Variants in GABRB2 observed in about 807,000 individuals in gnomAD.
GABRB2 encodes gamma-aminobutyric acid receptor subunit beta-2.
GABRB2 carries 16 observed loss-of-function variants against 54.7 expected under a neutral mutation model. The ratio of observed to expected loss-of-function variants is 0.29; its 90% CI spans 0.20 to 0.44. GABRB2 has a LOEUF of 0.44. GABRB2 is among the 20% of genes least tolerant of loss of function. GABRB2 has a pLI of 1.00. For missense variants in GABRB2, 355 were observed against 644.0 expected, an observed-to-expected ratio of 0.55 and a Z score of 4.86; for synonymous variants, 244 against 233.8, an observed-to-expected ratio of 1.04 and a Z score of -0.40.
chr5:161,360,275 T>C (rs1270716539), intron 5 of GABRB2, among the ~76,000 whole-genome samples: 2 of 151,584 alleles, frequency 1.3e-5, no homozygotes, highest in Admixed American at 1.3e-4. Context: ...ATAGGAAGAG[T>C]ACAGGATGAG....
In GABRB2 at chr5:161,322,906, T is replaced by C. The variant is rs998926908; in HGVS notation, c.1191+3462A>G. Reference sequence around the variant, plus strand: ...TTTATTTTTGATTTTTGGTTTCACATATTCTTTCAATTTTGGTGAGAAAAT... The same window carrying C: ...TTTATTTTTGATTTTTGGTTTCACACATTCTTTCAATTTTGGTGAGAAAAT... On this transcript the variant is annotated intron_variant, in intron 9 of 9. Transcript: ENST00000393959. Among the ~76,000 whole-genome samples, 12 of 152,180 alleles carry C rather than the reference T, an allele frequency of 7.9e-5. 1 individual carries two copies. Among genetic ancestry groups the C allele is most frequent in the Admixed American group, 3.9e-4 (6 of 15,286 alleles).
At chr5:161,546,442 A>G (rs1372577822) in intron 1 of GABRB2, 29 bp from the exon 2 acceptor site, 1 of 1,600,716 alleles carries the variant, frequency 6.2e-7, no homozygotes, top group East Asian at 2.2e-5. Flanking sequence ...ATAAGCAGGC[A>G]TCAATAAGGA....
chr5:161,510,241 C>T (rs1759725155), intron 3 of GABRB2, among the ~76,000 whole-genome samples: 1 of 151,506 alleles, frequency 6.6e-6, no homozygotes, highest in Non-Finnish European at 1.5e-5. Flanking sequence ...ATTTTCCTCC[C>T]CCAGCTCCCC....
chr5:161,302,481 AC>A (rs1757567107), intron 9 of GABRB2, among the ~76,000 whole-genome samples: 1 of 152,152 alleles, frequency 6.6e-6, no homozygotes, highest in South Asian at 2.1e-4. Context: ...CAGAAAAACA[AC>A]TCAAATCCCT....
intron 5 of GABRB2, among the ~76,000 whole-genome samples, chr5:161,353,747 T>C (rs1754538648): frequency 6.6e-6 from 1 of 152,056 alleles, no homozygotes; most frequent in Non-Finnish European, 1.5e-5. Context: ...CAACTGTTTT[T>C]ATTAGTAGTT....
At position 161,349,414 on chromosome 5, in the gene GABRB2, T is replaced by C. The variant is rs183328118; in HGVS notation, c.542-12645A>G. On this transcript the variant is annotated intron_variant, in intron 5 of 9. Transcript: ENST00000393959. The stretch of plus-strand genomic sequence containing the variant: ...AGTATTTATAGTTCTTGTATTCAAG[T>C]TGAATATGGAATTAGTATGCTGTGG... 4.6e-5 allele frequency among the ~76,000 whole-genome samples: 7 copies of C among 152,260 alleles called. No homozygotes were observed. In the East Asian group the frequency reaches 1.4e-3, roughly 29 times the overall value.
intron 5 of GABRB2, among the ~76,000 whole-genome samples, chr5:161,345,987 C>T (rs1754309974): frequency 6.6e-6 from 1 of 152,072 alleles, no homozygotes; most frequent in African/African-American, 2.4e-5. Context: ...ATGTCATTCG[C>T]AGAATTGCAA....
intron 5 of GABRB2, among the ~76,000 whole-genome samples, chr5:161,375,833 T>C (rs1755278358): frequency 6.6e-6 from 1 of 152,124 alleles, no homozygotes; most frequent in South Asian, 2.1e-4. Flanking sequence ...ATGAAGAAGA[T>C]GATGATTATT....
rs1037134974 is a variant in GABRB2 at position 161,304,996 on chromosome 5, T to C, written c.1192-10568A>G. Among the ~76,000 whole-genome samples, 8 of 147,118 alleles carry C rather than the reference T, an allele frequency of 5.4e-5. No homozygotes were observed. In the East Asian group the frequency reaches 1.2e-3, roughly 22 times the overall value. ...GGGGAAGAAAACTATATTTATGATA[T>C]ATCAATTTTTTTTTTTTTTTTTTTT... is the stretch of plus-strand genomic sequence containing the variant. On this transcript the variant is annotated intron_variant, in intron 9 of 9. Transcript: ENST00000393959.
chr5:161,545,308 CG>C lies in GABRB2; in HGVS notation c.170-15del. The C allele has an allele frequency of 6.3e-7, 1 of 1,583,896 alleles. No homozygotes were observed. Among genetic ancestry groups the C allele is most frequent in the Non-Finnish European group, 8.6e-7 (1 of 1,167,012 alleles). Reference sequence around the variant, plus strand: ...CCACGGGGGGACCTGCAAAGCAAGACGGCCAGCCACGTGATTTCTTTGAACT... The same window carrying C: ...CCACGGGGGGACCTGCAAAGCAAGACGCCAGCCACGTGATTTCTTTGAACT... On this transcript the variant is annotated splice_polypyrimidine_tract_variant and intron_variant, in intron 2 of 9. Transcript: ENST00000393959.
chr5:161,326,348 T>A lies in GABRB2; in HGVS notation c.1191+20A>T. The A allele has an allele frequency of 1.2e-6, 2 of 1,608,838 alleles. No individual in the cohort carries two copies. Among genetic ancestry groups the A allele is most frequent in the Middle Eastern group, 1.7e-4 (1 of 6,042 alleles). On this transcript the variant is annotated intron_variant, in intron 9 of 9. Transcript: ENST00000393959. ...CCCAACAGAAATACAAATAAATGGA[T>A]TAAAAACTGGCTATCTAACCGTATA...
At chr5:161,383,247 A>G (rs1213265098) in intron 5 of GABRB2, among the ~76,000 whole-genome samples, 1 of 152,078 alleles carries the variant, frequency 6.6e-6, no homozygotes, top group Admixed American at 6.6e-5. Flanking sequence ...GTACCCTTTG[A>G]TCAACATGTC....
At chr5:161,297,067 A>T (rs1282512696) in intron 9 of GABRB2, among the ~76,000 whole-genome samples, 2 of 152,190 alleles carry the variant, frequency 1.3e-5, no homozygotes, top group Non-Finnish European at 2.9e-5. Flanking sequence ...AAGAAAATTA[A>T]GTATGTTGCC....
rs200533015 is a variant in GABRB2 at position 161,522,585 on chromosome 5, G to GT, written c.237+22641dup. Reference sequence around the variant, plus strand: ...GCAAATTTTAAAATAAAGATCTAGTGTTTTTTTTTCTTTTTGTAACTCAAA... The same window carrying GT: ...GCAAATTTTAAAATAAAGATCTAGTGTTTTTTTTTTCTTTTTGTAACTCAAA... On this transcript the variant is annotated intron_variant, in intron 3 of 9. Coordinates refer to ENST00000393959, the MANE Select transcript of GABRB2 (RefSeq NM_001371727.1). Among the ~76,000 whole-genome samples the GT allele has an allele frequency of 1.1e-3, 171 of 150,050 alleles. 2 individuals are homozygous for GT. The East Asian group carries it at 0.024, about 21-fold the overall frequency.
chr5:161,326,371 A>T lies in GABRB2; in HGVS notation c.1188T>A (p.Tyr396Ter). 1.2e-6 allele frequency: 2 copies of T among 1,613,504 alleles called. No homozygotes were observed. Among genetic ancestry groups the T allele is most frequent in the Non-Finnish European group, 1.7e-6 (2 of 1,179,542 alleles). Reference sequence around the variant, plus strand: ...GATTAAAAACTGGCTATCTAACCGTATACAGAGAGAAATCGTAATTGGTAG... The same window carrying T: ...GATTAAAAACTGGCTATCTAACCGTTTACAGAGAGAAATCGTAATTGGTAG... ...RRTTNYDFSL[Y>*]TMDPHENILL... is the part of the protein sequence containing the mutation. The change falls in exon 9 of 10, where the codon TAT (tyrosine) becomes TAA (stop). Residue 396 changes from tyrosine (Y) to a stop codon, truncating the protein, a stop_gained. Coordinates refer to ENST00000393959, the MANE Select transcript of GABRB2 (RefSeq NM_001371727.1). LOFTEE classifies it high-confidence loss of function.
chr5:161,326,061 C>T (rs1758352267), intron 9 of GABRB2, among the ~76,000 whole-genome samples: 3 of 152,034 alleles, frequency 2.0e-5, no homozygotes, highest in Non-Finnish European at 4.4e-5. Flanking sequence ...GAAATAATGA[C>T]ACTCTTGTCC....
At chr5:161,512,995 C>G (rs1759825299) in intron 3 of GABRB2, among the ~76,000 whole-genome samples, 1 of 151,152 alleles carries the variant, frequency 6.6e-6, no homozygotes, top group Non-Finnish European at 1.5e-5. Context: ...ATCAAAACCA[C>G]AGTGAGATAC....
At chr5:161,303,179 G>A (rs1338022358) in intron 9 of GABRB2, among the ~76,000 whole-genome samples, 1 of 152,182 alleles carries the variant, frequency 6.6e-6, no homozygotes, top group Non-Finnish European at 1.5e-5. Context: ...CTTGTTCGAA[G>A]CTAGGTAAGT....
intron 8 of GABRB2, 89 bp from the exon 9 acceptor site, chr5:161,326,570 A>C (rs1758370210): frequency 7.0e-7 from 1 of 1,422,810 alleles, no homozygotes; most frequent in Admixed American, 2.5e-5. Context: ...ATATAGATAA[A>C]TGCTACTGGC....
Sources: allele counts gnomAD v4.1 joint callset (sites outside exome capture counted in the v4.1 genomes callset), GRCh38; gene constraint gnomAD v4.1.1; transcripts MANE v1.5; gene names NCBI Gene and HGNC (gene_info 2026-07-23, HGNC 2026-07-21).